Variants in CNNM2 observed in about 807,000 individuals in gnomAD.
CNNM2 encodes cyclin and CBS domain divalent metal cation transport mediator 2, also known as metal transporter CNNM2.
A neutral mutation model predicts 66.9 loss-of-function variants in CNNM2; 12 were observed. The ratio of observed to expected loss-of-function variants is 0.18; its 90% confidence interval spans 0.11 to 0.29. CNNM2 has a LOEUF of 0.29. Among genes scored for constraint, CNNM2 ranks in the 10% least tolerant of loss-of-function variants. The pLI is 1.00. For missense variants in CNNM2, 705 were observed against 1,167.7 expected (o/e 0.60, Z 5.77); for synonymous variants, 557 against 501.8 (o/e 1.11, Z -1.47).
Position 103,021,544 on chromosome 10 carries a change from G to A in CNNM2, c.1622-28163G>A, listed in dbSNP as rs72850112. ...GGCAGGGGGAGGAGTGGTCTTACCC[G>A]AAACGCCAGAGTTCTGGCGCTTTCG... On this transcript the variant is annotated intron_variant, in intron 1 of 7. Coordinates refer to ENST00000369878, the MANE Select transcript of CNNM2 (RefSeq NM_017649.5). 0.038 allele frequency among the ~76,000 whole-genome samples: 5,738 copies of A among 152,202 alleles called. 149 individuals carry two copies. Among genetic ancestry groups the A allele is most frequent in the Non-Finnish European group, 0.056 (3,839 of 67,992 alleles).
intron 1 of CNNM2, among the ~76,000 whole-genome samples, chr10:103,003,371 C>T (rs1305071438): frequency 6.6e-6 from 1 of 152,100 alleles, no homozygotes; most frequent in Admixed American, 6.6e-5. Context: ...GCCTCAGCTT[C>T]CCAAAGTACT....
intron 1 of CNNM2, among the ~76,000 whole-genome samples, chr10:102,937,492 T>C (rs1846279259): frequency 6.6e-6 from 1 of 152,222 alleles, no homozygotes; most frequent in South Asian, 2.1e-4. Context: ...AACTGGTGCT[T>C]CCTTTTGTCT....
chr10:103,014,655 A>G (rs2064407109), intron 1 of CNNM2, among the ~76,000 whole-genome samples: 1 of 152,216 alleles, frequency 6.6e-6, no homozygotes, highest in Non-Finnish European at 1.5e-5. Context: ...GGGTGTTAAT[A>G]TTAAAAATGC....
intron 1 of CNNM2, among the ~76,000 whole-genome samples, chr10:102,967,854 CAA>C (rs1756855745): frequency 6.6e-6 from 1 of 152,136 alleles, no homozygotes; most frequent in South Asian, 2.1e-4. Context: ...ACTAAAAATA[CAA>C]AGTTAGCCAG....
chr10:102,936,568 AG>A (rs1846250014), intron 1 of CNNM2, among the ~76,000 whole-genome samples: 1 of 139,628 alleles, frequency 7.2e-6, no homozygotes, highest in South Asian at 2.3e-4. Context: ...GGGTGTGGAG[AG>A]GGGTGAGATT....
intron 1 of CNNM2, among the ~76,000 whole-genome samples, chr10:102,963,296 A>AC (rs1338893287): frequency 9.2e-5 from 14 of 151,856 alleles, no homozygotes; most frequent in Non-Finnish European, 2.1e-4. Flanking sequence ...CTTCACCACC[A>AC]CCCCCTTTCC....
chr10:102,993,693 C>G (rs972689167), intron 1 of CNNM2, among the ~76,000 whole-genome samples: 1 of 152,032 alleles, frequency 6.6e-6, no homozygotes, highest in African/African-American at 2.4e-5. Context: ...TTGTTAATTT[C>G]TTGACTTAAA....
intron 1 of CNNM2, among the ~76,000 whole-genome samples, chr10:103,029,300 TAAAA>T (rs756251100): frequency 8.2e-6 from 1 of 122,316 alleles, no homozygotes; most frequent in African/African-American, 3.0e-5. Context: ...CATCTCTACT[TAAAA>T]AAAAAAAAAA....
At chr10:102,939,482 A>G (rs1846351162) in intron 1 of CNNM2, among the ~76,000 whole-genome samples, 1 of 152,104 alleles carries the variant, frequency 6.6e-6, no homozygotes, top group Non-Finnish European at 1.5e-5. Flanking sequence ...TTTTAGCTGT[A>G]GGTGAGGACC....
At chr10:103,013,806 T>C (rs2064390830) in intron 1 of CNNM2, among the ~76,000 whole-genome samples, 1 of 152,232 alleles carries the variant, frequency 6.6e-6, no homozygotes, top group Non-Finnish European at 1.5e-5. Context: ...AAACAAGTTA[T>C]GGTGACTGGA....
intron 2 of CNNM2, 125 bp downstream of exon 2, chr10:103,049,975 G>T: frequency 2.4e-6 from 2 of 840,758 alleles, no homozygotes; most frequent in South Asian, 1.8e-5. Context: ...TGTGTAGGCC[G>T]TGCACAACCT....
At chr10:103,071,736 T>G in intron 5 of CNNM2, 38 bp from the exon 6 acceptor site, 1 of 1,550,498 alleles carries the variant, frequency 6.4e-7, no homozygotes, top group Non-Finnish European at 8.9e-7. Flanking sequence ...GTTCTTGCCT[T>G]TTGATGCGAT....
chr10:103,021,126 A>G (rs1432254997), intron 1 of CNNM2, among the ~76,000 whole-genome samples: 1 of 152,176 alleles, frequency 6.6e-6, no homozygotes, highest in Non-Finnish European at 1.5e-5. Context: ...ACTAGACAAC[A>G]GGCAAGGCGG....
chr10:102,953,433 A>G (rs1846914859), intron 1 of CNNM2, among the ~76,000 whole-genome samples: 1 of 151,718 alleles, frequency 6.6e-6, no homozygotes, highest in Non-Finnish European at 1.5e-5. Context: ...ATTTTTTTGT[A>G]TTTTTAGTAG....
At position 103,086,318 on chromosome 10, in the gene CNNM2, G is replaced by A. The variant is rs1338465157; in HGVS notation, c.*9138G>A. ...AAGTATTTGAGCCCTAAACTACTAA[G>A]CCCAGTGAGGAATTGGAGCGTTAAC... On this transcript the variant is annotated 3_prime_UTR_variant, in exon 8 of 8. Coordinates refer to ENST00000369878, the MANE Select transcript of CNNM2 (RefSeq NM_017649.5). 6.6e-6 allele frequency: 1 copy of A among 152,204 alleles called. No individual in the cohort carries two copies. The highest frequency in any genetic ancestry group is 1.5e-5 in the Non-Finnish European group (1 of 68,042). 9.4% of individuals were successfully genotyped at this position (152,204 alleles called of 1,614,324 possible).
intron 4 of CNNM2, among the ~76,000 whole-genome samples, chr10:103,061,059 AAG>A (rs2065378150): frequency 6.6e-6 from 1 of 152,178 alleles, no homozygotes; most frequent in African/African-American, 2.4e-5. Flanking sequence ...TATGTGGAAA[AAG>A]AGCAAAGCAG....
At chr10:103,075,972 G>T in intron 6 of CNNM2, 114 bp from the exon 7 acceptor site, 1 of 981,458 alleles carries the variant, frequency 1.0e-6, no homozygotes, top group Non-Finnish European at 1.5e-6. Flanking sequence ...GAGACATCTG[G>T]AATCAGTTGG....
At chr10:103,047,847 A>G (rs181069237) in intron 1 of CNNM2, among the ~76,000 whole-genome samples, 15 of 152,374 alleles carry the variant, frequency 9.8e-5, no homozygotes, top group African/African-American at 3.4e-4. Context: ...CAGCAATCTC[A>G]TCAGAAAAGT....
At chr10:102,995,142 CTT>C in intron 1 of CNNM2, among the ~76,000 whole-genome samples, 2 of 145,706 alleles carry the variant, frequency 1.4e-5, no homozygotes, top group Non-Finnish European at 3.1e-5. Flanking sequence ...TCTTCTTATT[CTT>C]CCTCCTCCCC....
Sources: allele counts gnomAD v4.1 joint callset (sites outside exome capture counted in the v4.1 genomes callset), GRCh38; gene constraint gnomAD v4.1.1; transcripts MANE v1.5; gene names NCBI Gene and HGNC (gene_info 2026-07-23, HGNC 2026-07-21).